ERBB4: variants seen among roughly 807,000 people sequenced by gnomAD.
The protein encoded by ERBB4 is receptor tyrosine-protein kinase erbB-4.
ERBB4 carries 42 observed loss-of-function variants against 158.0 expected under a neutral mutation model. The ratio of observed to expected loss-of-function variants is 0.27; its 90% CI spans 0.21 to 0.34. The LOEUF (loss-of-function observed/expected upper bound fraction) is 0.34, where lower values mean the gene tolerates loss of function less well. Among genes scored for constraint, ERBB4 ranks in the 10% least tolerant of loss-of-function variants. ERBB4 has a pLI of 1.00. For synonymous variants in ERBB4, 583 were observed against 558.7 expected, an observed-to-expected ratio of 1.04 and a Z score of -0.61; for missense variants, 1,333 against 1,624.1, an observed-to-expected ratio of 0.82 and a Z score of 3.08.
chr2:212,336,918 G>C (rs12623803), intron 1 of ERBB4, among the ~76,000 whole-genome samples: 53,627 of 151,844 alleles, frequency 0.35, 11,434 homozygotes, highest in East Asian at 0.78. Context: ...TCTGAGGTAG[G>C]TCCTGCAATA....
intron 19 of ERBB4, among the ~76,000 whole-genome samples, chr2:211,602,370 C>T (rs1405980359): frequency 2.0e-5 from 3 of 152,022 alleles, no homozygotes. Flanking sequence ...TTTGCTTGGG[C>T]TCTACCAGCA....
chr2:211,448,416 T>C (rs976302507), intron 20 of ERBB4, among the ~76,000 whole-genome samples: 1 of 152,066 alleles, frequency 6.6e-6, no homozygotes, highest in Non-Finnish European at 1.5e-5. Flanking sequence ...CATTTATGAT[T>C]TTTTAAAGAT....
At chr2:212,405,231 G>GA (rs926108034) in intron 1 of ERBB4, among the ~76,000 whole-genome samples, 1 of 151,812 alleles carries the variant, frequency 6.6e-6, no homozygotes, top group Non-Finnish European at 1.5e-5. Flanking sequence ...ACAAGCATAT[G>GA]AAAAAAAATT....
chr2:212,353,273 C>A (rs1248644402), intron 1 of ERBB4, among the ~76,000 whole-genome samples: 6 of 150,716 alleles, frequency 4.0e-5, no homozygotes, highest in Non-Finnish European at 8.9e-5. Flanking sequence ...ATACAAAATA[C>A]AAAATAATTT....
chr2:211,488,717 A>G (rs1162766850), intron 20 of ERBB4, among the ~76,000 whole-genome samples: 1 of 152,126 alleles, frequency 6.6e-6, no homozygotes, highest in Non-Finnish European at 1.5e-5. Context: ...CAAAATTTCT[A>G]CAAAAAGAGT....
At chr2:212,075,639 G>A (rs2078252051) in intron 2 of ERBB4, among the ~76,000 whole-genome samples, 1 of 145,718 alleles carries the variant, frequency 6.9e-6, no homozygotes, top group Non-Finnish European at 1.6e-5. Flanking sequence ...TAATTATATG[G>A]TTTATAAATT....
chr2:211,413,224 G>A (rs903766111), intron 25 of ERBB4, among the ~76,000 whole-genome samples: 1 of 149,506 alleles, frequency 6.7e-6, no homozygotes, highest in Admixed American at 6.7e-5. Context: ...GATCACTTGA[G>A]CCCAGGAGGT....
intron 1 of ERBB4, among the ~76,000 whole-genome samples, chr2:212,330,389 C>T (rs1360573761): frequency 1.3e-5 from 2 of 151,996 alleles, no homozygotes; most frequent in Admixed American, 1.3e-4. Flanking sequence ...AAGCCCGAGG[C>T]TTGCCAATTG....
chr2:211,469,074 T>C (rs1255855382), intron 20 of ERBB4, among the ~76,000 whole-genome samples: 2 of 151,976 alleles, frequency 1.3e-5, no homozygotes, highest in African/African-American at 2.4e-5. Context: ...TGATCCCGCA[T>C]GTAATGAGAC....
chr2:212,484,510 A>G (rs1184098718), intron 1 of ERBB4, among the ~76,000 whole-genome samples: 1 of 152,244 alleles, frequency 6.6e-6, no homozygotes, highest in African/African-American at 2.4e-5. Flanking sequence ...TAATTTTTCA[A>G]ATCAGCTACT....
intron 2 of ERBB4, among the ~76,000 whole-genome samples, chr2:212,048,566 C>T (rs1381831698): frequency 6.6e-6 from 1 of 152,270 alleles, no homozygotes; most frequent in East Asian, 1.9e-4. Context: ...CAAGCAACAA[C>T]TGGAGTGGGC....
chr2:211,512,528 A>C (rs1400851550), intron 20 of ERBB4, among the ~76,000 whole-genome samples: 2 of 152,078 alleles, frequency 1.3e-5, no homozygotes, highest in African/African-American at 4.8e-5. Flanking sequence ...ATTGCCTCTG[A>C]CAAGTGAACA....
chr2:212,527,456 CA>C (rs1174757092), intron 1 of ERBB4, among the ~76,000 whole-genome samples: 2 of 151,724 alleles, frequency 1.3e-5, no homozygotes, highest in African/African-American at 2.4e-5. Flanking sequence ...GAAAAAATTA[CA>C]AAAAAATTGT....
chr2:212,061,501 A>T (rs1395227548), intron 2 of ERBB4, among the ~76,000 whole-genome samples: 2 of 147,202 alleles, frequency 1.4e-5, no homozygotes, highest in South Asian at 4.4e-4. Context: ...GGAGACAACA[A>T]TTTGTGTTTC....
intron 3 of ERBB4, among the ~76,000 whole-genome samples, chr2:211,833,675 T>A (rs988534479): frequency 2.0e-5 from 3 of 151,902 alleles, no homozygotes; most frequent in African/African-American, 7.2e-5. Context: ...ATTCTGTAAA[T>A]ATATCAATTT....
chr2:211,500,519 T>C (rs1452739884), intron 20 of ERBB4, among the ~76,000 whole-genome samples: 1 of 152,118 alleles, frequency 6.6e-6, no homozygotes, highest in Admixed American at 6.5e-5. Context: ...AAATGTAATG[T>C]AAAGTCAATT....
intron 1 of ERBB4, among the ~76,000 whole-genome samples, chr2:212,470,023 T>C (rs2106112765): frequency 6.6e-6 from 1 of 152,282 alleles, no homozygotes; most frequent in Admixed American, 6.5e-5. Flanking sequence ...CCTGAAATTC[T>C]CTGAAAATTC....
chr2:211,740,478 T>C (rs2074750527), intron 5 of ERBB4, among the ~76,000 whole-genome samples: 3 of 152,018 alleles, frequency 2.0e-5, no homozygotes, highest in African/African-American at 4.8e-5. Flanking sequence ...TTTATTTTAA[T>C]ATAATGGACA....
chr2:212,248,403 G>A (rs78677588), intron 1 of ERBB4, among the ~76,000 whole-genome samples: 1,708 of 152,230 alleles, frequency 0.011, 39 homozygotes, highest in African/African-American at 0.039. Context: ...TGTCTAGAAA[G>A]AGTATATACT....
Sources: allele counts gnomAD v4.1 joint callset (sites outside exome capture counted in the v4.1 genomes callset), GRCh38; gene constraint gnomAD v4.1.1; transcripts MANE v1.5; gene names NCBI Gene and HGNC (gene_info 2026-07-23, HGNC 2026-07-21).